The following ADAMTS12 variants were observed in gnomAD, a reference collection of about 807,000 sequenced individuals.
ADAMTS12 encodes A disintegrin and metalloproteinase with thrombospondin motifs 12.
A neutral mutation model predicts 167.8 loss-of-function variants in ADAMTS12; 118 were observed. The observed-to-expected ratio is 0.70, with a 90% CI of 0.61 to 0.82. The LOEUF (loss-of-function observed/expected upper bound fraction) is 0.82. ADAMTS12 is among the 40% of genes least tolerant of loss of function. The pLI, the probability that ADAMTS12 is intolerant of heterozygous loss-of-function variation, is 0.00. For missense variants in ADAMTS12, 1,916 were observed against 1,998.8 expected (o/e 0.96, Z 0.79); for synonymous variants, 704 against 716.9 (o/e 0.98, Z 0.29).
Position 33,891,777 on chromosome 5 carries a change from C to A in ADAMTS12, c.80G>T (p.Gly27Val). ...AACCGGGCCTGGCTGAGGCTGTCTCCCATAGCAAAGCGCCCCAAAGTTAAG... is the reference window on the plus strand; with the variant it reads ...AACCGGGCCTGGCTGAGGCTGTCTCACATAGCAAAGCGCCCCAAAGTTAAG... ...QLLNFGALCY[G>V]RQPQPGPVRF... Residue 27 changes from glycine (G) to valine (V), a missense_variant, in exon 1 of 24, where the codon GGG becomes GTG. By Grantham distance (109) the Gly-to-Val change is moderately radical. Coordinates refer to ENST00000504830, the MANE Select transcript of ADAMTS12 (RefSeq NM_030955.4). The A allele has an allele frequency of 6.2e-7, 1 of 1,614,220 alleles. No homozygotes were observed. Among genetic ancestry groups the A allele is most frequent in the Non-Finnish European group, 8.5e-7 (1 of 1,180,026 alleles).
chr5:33,651,489 G>A (rs1423858188), intron 7 of ADAMTS12, among the ~76,000 whole-genome samples: 2 of 152,156 alleles, frequency 1.3e-5, no homozygotes, highest in Non-Finnish European at 2.9e-5. Flanking sequence ...TATGATGGGT[G>A]TCTTCTTGGG....
At chr5:33,783,933 C>T (rs976591513) in intron 2 of ADAMTS12, among the ~76,000 whole-genome samples, 1 of 151,836 alleles carries the variant, frequency 6.6e-6, no homozygotes, top group East Asian at 1.9e-4. Context: ...TAATATCCCT[C>T]ATGAATAAGG....
At chr5:33,577,791 T>C (rs1746836477) in intron 18 of ADAMTS12, among the ~76,000 whole-genome samples, 1 of 152,190 alleles carries the variant, frequency 6.6e-6, no homozygotes. Flanking sequence ...GGAAATAGCC[T>C]TTCCCAAGGA....
intron 2 of ADAMTS12, among the ~76,000 whole-genome samples, chr5:33,869,863 C>T (rs1160768751): frequency 6.6e-6 from 1 of 152,108 alleles, no homozygotes; most frequent in Non-Finnish European, 1.5e-5. Context: ...CCTAATATAC[C>T]TGGGGGCGCT....
chr5:33,561,473 T>C (rs967752405), intron 19 of ADAMTS12, among the ~76,000 whole-genome samples: 1 of 152,176 alleles, frequency 6.6e-6, no homozygotes, highest in African/African-American at 2.4e-5. Flanking sequence ...AAATGGAAAT[T>C]TGCTTCCCTT....
At chr5:33,587,672 A>T (rs566692918) in intron 18 of ADAMTS12, among the ~76,000 whole-genome samples, 2 of 152,012 alleles carry the variant, frequency 1.3e-5, no homozygotes, top group Non-Finnish European at 2.9e-5. Context: ...GGCTGGTCTC[A>T]AACTCCTAAG....
At chr5:33,692,143 C>T (rs1325938084) in intron 3 of ADAMTS12, among the ~76,000 whole-genome samples, 1 of 152,170 alleles carries the variant, frequency 6.6e-6, no homozygotes, top group African/African-American at 2.4e-5. Flanking sequence ...GGGTGCATGG[C>T]TTCCTAGAAT....
intron 2 of ADAMTS12, among the ~76,000 whole-genome samples, chr5:33,809,996 A>AG (rs1747391268): frequency 1.3e-5 from 2 of 151,388 alleles, no homozygotes; most frequent in Admixed American, 1.3e-4. Flanking sequence ...AAAAAAAAAA[A>AG]AAAAACAGAT....
intron 1 of ADAMTS12, among the ~76,000 whole-genome samples, chr5:33,891,269 G>A (rs952645047): frequency 6.6e-6 from 1 of 152,142 alleles, no homozygotes; most frequent in African/African-American, 2.4e-5. Flanking sequence ...AGCCAAGCCT[G>A]CTCAGTAGGG....
At chr5:33,575,827 G>C (rs1167490420) in intron 19 of ADAMTS12, among the ~76,000 whole-genome samples, 1 of 152,128 alleles carries the variant, frequency 6.6e-6, no homozygotes, top group East Asian at 1.9e-4. Flanking sequence ...TTAAAAGCTA[G>C]ACAATATATC....
intron 2 of ADAMTS12, among the ~76,000 whole-genome samples, chr5:33,790,277 G>A (rs543238713): frequency 8.5e-5 from 13 of 152,070 alleles, no homozygotes; most frequent in South Asian, 2.1e-4. Context: ...ACATCTGGCC[G>A]GGCGCGGTGG....
At chr5:33,701,768 A>G (rs1743014167) in intron 3 of ADAMTS12, among the ~76,000 whole-genome samples, 1 of 152,178 alleles carries the variant, frequency 6.6e-6, no homozygotes, top group African/African-American at 2.4e-5. Context: ...TCGTCTCCCA[A>G]GTGTTTTGCA....
intron 22 of ADAMTS12, among the ~76,000 whole-genome samples, chr5:33,537,267 A>T (rs922087920): frequency 1.3e-5 from 2 of 152,248 alleles, no homozygotes; most frequent in Non-Finnish European, 2.9e-5. Flanking sequence ...GGTTAACATT[A>T]GTCCTGGTTC....
chr5:33,787,488 C>T (rs868716271), intron 2 of ADAMTS12, among the ~76,000 whole-genome samples: 7 of 152,192 alleles, frequency 4.6e-5, no homozygotes, highest in Non-Finnish European at 7.3e-5. Flanking sequence ...ATATTCATCA[C>T]GAGAACATGT....
rs553691709 is a variant in ADAMTS12 at position 33,696,376 on chromosome 5, G to A, written c.635-12321C>T. 8.2e-3 allele frequency among the ~76,000 whole-genome samples: 1,213 copies of A among 147,704 alleles called. 16 individuals are homozygous for A. Among genetic ancestry groups the A allele is most frequent in the African/African-American group, 0.03 (1,167 of 39,284 alleles). On this transcript the variant is annotated intron_variant, in intron 3 of 23. Transcript: ENST00000504830. Reference sequence around the variant, plus strand: ...GCAGAGCTTGCAGTGAGCCGAGATCGCGCCACTGCACTCCAGCCTGGGCGA... The same window carrying A: ...GCAGAGCTTGCAGTGAGCCGAGATCACGCCACTGCACTCCAGCCTGGGCGA...
At chr5:33,811,125 C>A (rs1747445265) in intron 2 of ADAMTS12, among the ~76,000 whole-genome samples, 1 of 152,098 alleles carries the variant, frequency 6.6e-6, no homozygotes, top group African/African-American at 2.4e-5. Flanking sequence ...GCAACAACAA[C>A]AAAAACATGG....
intron 14 of ADAMTS12, among the ~76,000 whole-genome samples, chr5:33,620,195 C>T (rs1013558544): frequency 6.6e-6 from 1 of 152,218 alleles, no homozygotes; most frequent in East Asian, 1.9e-4. Flanking sequence ...CTTGAAGTAG[C>T]AGACAGCTAT....
chr5:33,551,495 T>G (rs1745252709), intron 20 of ADAMTS12, among the ~76,000 whole-genome samples: 2 of 152,180 alleles, frequency 1.3e-5, no homozygotes, highest in South Asian at 4.1e-4. Flanking sequence ...TGCTAATAGC[T>G]TCCACTCAAA....
chr5:33,568,236 A>C (rs1746113960), intron 19 of ADAMTS12, among the ~76,000 whole-genome samples: 1 of 152,234 alleles, frequency 6.6e-6, no homozygotes, highest in Admixed American at 6.5e-5. Flanking sequence ...CTGAAGCTGA[A>C]TTCTTTACCT....
Sources: allele counts gnomAD v4.1 joint callset (sites outside exome capture counted in the v4.1 genomes callset), GRCh38; gene constraint gnomAD v4.1.1; transcripts MANE v1.5; gene names NCBI Gene and HGNC (gene_info 2026-07-23, HGNC 2026-07-21).